The following ABCC4 variants were observed in gnomAD, a reference collection of about 807,000 sequenced individuals.
ABCC4 encodes the protein ATP binding cassette subfamily C member 4 (PEL blood group), also known as ATP-binding cassette sub-family C member 4.
ABCC4 carries 102 observed loss-of-function variants against 168.5 expected under a neutral mutation model. That is an observed-to-expected ratio of 0.61 (90% CI 0.52 to 0.71). The LOEUF is 0.71. Ranked by LOEUF, ABCC4 falls within the 30% of genes least tolerant of loss-of-function variation. ABCC4 has a pLI of 0.00. For synonymous variants in ABCC4, 617 were observed against 590.7 expected, an observed-to-expected ratio of 1.04 and a Z score of -0.65; for missense variants, 1,402 against 1,605.8, an observed-to-expected ratio of 0.87 and a Z score of 2.17.
chr13:95,177,923 C>G, intron 12 of ABCC4, 74 bp downstream of exon 12: 1 of 1,517,878 alleles, frequency 6.6e-7, no homozygotes, highest in East Asian at 2.3e-5. Flanking sequence ...ACACAGTAAG[C>G]AGGTCCTATG....
At chr13:95,253,605 C>G (rs1011597560) in intron 1 of ABCC4, among the ~76,000 whole-genome samples, 2 of 151,812 alleles carry the variant, frequency 1.3e-5, no homozygotes, top group Non-Finnish European at 2.9e-5. Flanking sequence ...ATTAGCCGGG[C>G]GTGGTGGAGG....
At chr13:95,199,232 C>T (rs1305645144) in intron 8 of ABCC4, among the ~76,000 whole-genome samples, 2 of 152,220 alleles carry the variant, frequency 1.3e-5, no homozygotes, top group Non-Finnish European at 2.9e-5. Context: ...TCAAGACTCA[C>T]TTAGTTCCGA....
chr13:95,225,149 TCTCTCACA>T (rs71111598), intron 4 of ABCC4, among the ~76,000 whole-genome samples: 2,059 of 100,064 alleles, frequency 0.021, 27 homozygotes, highest in Non-Finnish European at 0.029. Context: ...TGTCTCTCTC[TCTCTCACA>T]CACACACACA....
chr13:95,135,332 CAACTAAAGTTTTCCGTGA>C (rs888426248), intron 19 of ABCC4, among the ~76,000 whole-genome samples: 1 of 151,512 alleles, frequency 6.6e-6, no homozygotes, highest in African/African-American at 2.4e-5. Flanking sequence ...TTTGCAAACT[CAACTAAAGTTTTCCGTGA>C]AACTAAAGTT....
intron 8 of ABCC4, among the ~76,000 whole-genome samples, chr13:95,202,452 A>G (rs940264377): frequency 2.0e-5 from 3 of 152,148 alleles, no homozygotes; most frequent in South Asian, 4.1e-4. Context: ...ACCTCCAGAC[A>G]CTAAGTCCAA....
In ABCC4 at chr13:95,204,076, G is replaced by A. The variant is rs73561745; in HGVS notation, c.1161+2456C>T. The stretch of plus-strand genomic sequence containing the variant: ...ACCAGGCTCCTGAGACCTGGCCGGA[G>A]GGCTTAGTAGCATTTGCTTAAATCA... On this transcript the variant is annotated intron_variant, in intron 8 of 30. Transcript: ENST00000645237. Among the ~76,000 whole-genome samples, 999 of 152,220 alleles carry A rather than the reference G, an allele frequency of 6.6e-3. 10 individuals are homozygous for A. The highest frequency in any genetic ancestry group is 0.023 in the African/African-American group (951 of 41,516).
At chr13:95,215,283 A>C (rs1176748247) in intron 4 of ABCC4, among the ~76,000 whole-genome samples, 1 of 151,936 alleles carries the variant, frequency 6.6e-6, no homozygotes, top group Non-Finnish European at 1.5e-5. Flanking sequence ...ACACTTGTAG[A>C]CCCAGCTACT....
chr13:95,035,291 G>A (rs1294693884), intron 29 of ABCC4, among the ~76,000 whole-genome samples: 1 of 152,220 alleles, frequency 6.6e-6, no homozygotes, highest in Non-Finnish European at 1.5e-5. Context: ...CAGCTGCCAA[G>A]AGGGGCTAAA....
intron 1 of ABCC4, among the ~76,000 whole-genome samples, chr13:95,249,742 C>A (rs2040206523): frequency 6.6e-6 from 1 of 152,144 alleles, no homozygotes; most frequent in Non-Finnish European, 1.5e-5. Flanking sequence ...TCAGCAAGGA[C>A]TTCTAAGTAA....
At chr13:95,281,470 A>G (rs1003185995) in intron 1 of ABCC4, among the ~76,000 whole-genome samples, 1 of 152,158 alleles carries the variant, frequency 6.6e-6, no homozygotes, top group Non-Finnish European at 1.5e-5. Context: ...GAATGTTAAG[A>G]ACAATAATTA....
chr13:95,062,628 A>T, intron 26 of ABCC4, 76 bp downstream of exon 26: 1 of 1,343,704 alleles, frequency 7.4e-7, no homozygotes, highest in Non-Finnish European at 1.0e-6. Context: ...CAATTAAAAA[A>T]AGCAATAAGA....
intron 21 of ABCC4, among the ~76,000 whole-genome samples, chr13:95,082,513 G>A (rs1163247023): frequency 6.6e-6 from 1 of 152,108 alleles, no homozygotes; most frequent in Non-Finnish European, 1.5e-5. Flanking sequence ...GCCTGAGGGG[G>A]AAAAACCTCA....
chr13:95,300,727 C>T (rs2041653404), intron 1 of ABCC4, among the ~76,000 whole-genome samples: 1 of 152,076 alleles, frequency 6.6e-6, no homozygotes, highest in Non-Finnish European at 1.5e-5. Context: ...AGGTCCAGGA[C>T]ACTAATTAGG....
In ABCC4 at chr13:95,177,687, T is replaced by C. The variant is rs1430709313; in HGVS notation, c.1727+20A>G. The C allele has an allele frequency of 1.3e-6, 2 of 1,593,508 alleles. No homozygotes were observed. The highest frequency in any genetic ancestry group is 1.3e-5 in the African/African-American group (1 of 74,376). On this transcript the variant is annotated intron_variant, in intron 13 of 30. Transcript: ENST00000645237. Reference sequence around the variant, plus strand: ...TGGCTCTGGAAAAGCAGAAATGACTTAAGACACAAACACACTCACAGTTCG... The same window carrying C: ...TGGCTCTGGAAAAGCAGAAATGACTCAAGACACAAACACACTCACAGTTCG...
At chr13:95,220,831 G>A (rs1260882103) in intron 4 of ABCC4, among the ~76,000 whole-genome samples, 3 of 152,170 alleles carry the variant, frequency 2.0e-5, no homozygotes. Context: ...CAGCTAATGG[G>A]TCCCAGAGGG....
intron 1 of ABCC4, among the ~76,000 whole-genome samples, chr13:95,249,377 G>A (rs1183304458): frequency 1.3e-5 from 2 of 152,134 alleles, no homozygotes; most frequent in African/African-American, 2.4e-5. Flanking sequence ...TTAACATGGG[G>A]ATTGTCTAAT....
intron 24 of ABCC4, among the ~76,000 whole-genome samples, chr13:95,072,682 A>G (rs1056156070): frequency 1.3e-5 from 2 of 152,196 alleles, no homozygotes; most frequent in East Asian, 1.9e-4. Context: ...ATAAACTAAT[A>G]CCCTTTGACT....
chr13:95,027,495 T>C (rs1033830743), intron 30 of ABCC4, among the ~76,000 whole-genome samples: 1 of 152,198 alleles, frequency 6.6e-6, no homozygotes, highest in Non-Finnish European at 1.5e-5. Context: ...TAGTGGGTTG[T>C]AGCCTGAGGT....
rs9516531 is a variant in ABCC4, at chr13:95,196,737, G to A, written c.1162-1800C>T. On this transcript the variant is annotated intron_variant, in intron 8 of 30. Coordinates refer to ENST00000645237, the MANE Select transcript of ABCC4 (RefSeq NM_005845.5). ...GGAAGGAAGGAAGGAAGGAAGAAGG[G>A]AGGGAGGGAAGGAAGGAAAGAAAGA... 7.7e-4 allele frequency among the ~76,000 whole-genome samples: 65 copies of A among 84,912 alleles called. 3 individuals carry two copies. Among genetic ancestry groups the A allele is most frequent in the Middle Eastern group, 0.011 (2 of 184 alleles). The allele number at this position is 84,912 out of a possible 152,430, so 55.7% of individuals were successfully genotyped here. A position where few individuals can be genotyped will look rare whatever the true frequency, so the allele number is the denominator to read the frequency against.
Sources: allele counts gnomAD v4.1 joint callset (sites outside exome capture counted in the v4.1 genomes callset), GRCh38; gene constraint gnomAD v4.1.1; transcripts MANE v1.5; gene names NCBI Gene and HGNC (gene_info 2026-07-23, HGNC 2026-07-21).